The following MSANTD1 variants were observed in gnomAD, a reference collection of about 807,000 sequenced individuals.
The protein encoded by MSANTD1 is myb/SANT-like DNA-binding domain-containing protein 1.
In MSANTD1, 7 loss-of-function variants were observed where a neutral mutation model predicts 24.2. That is an observed-to-expected ratio of 0.29 (90% CI 0.16 to 0.54). The LOEUF (loss-of-function observed/expected upper bound fraction) is 0.54, where lower values mean the gene tolerates loss of function less well. Among genes scored for constraint, MSANTD1 ranks in the 20% least tolerant of loss-of-function variants. MSANTD1 has a pLI of 0.94. For synonymous variants in MSANTD1, 177 were observed against 181.1 expected, an observed-to-expected ratio of 0.98 and a Z score of 0.18; for missense variants, 384 against 408.2, an observed-to-expected ratio of 0.94 and a Z score of 0.51.
chr4:3,252,787 A>G (rs781586118), intron 1 of MSANTD1, among the ~76,000 whole-genome samples: 1 of 152,246 alleles, frequency 6.6e-6, no homozygotes, highest in Non-Finnish European at 1.5e-5. Context: ...TATTATCACT[A>G]TATTTATATA....
chr4:3,251,487 C>G (rs1441997447), intron 1 of MSANTD1, among the ~76,000 whole-genome samples: 1 of 152,092 alleles, frequency 6.6e-6, no homozygotes, highest in African/African-American at 2.4e-5. Flanking sequence ...GCTGATGAAG[C>G]ACTTCCACAC....
At position 3,255,708 on chromosome 4, in the gene MSANTD1, C is replaced by A; in HGVS notation, c.597-17C>A. On this transcript the variant is annotated splice_polypyrimidine_tract_variant and intron_variant, in intron 2 of 2. Coordinates refer to ENST00000438480, the MANE Select transcript of MSANTD1 (RefSeq NM_001042690.2). ...GCTCTGTGGCCAGCACGTCCACAGC[C>A]GGCACTGTCCTTCCAGGTCGGAGGA... The A allele has an allele frequency of 6.6e-7, 1 of 1,519,440 alleles. No individual in the cohort carries two copies. The highest frequency in any genetic ancestry group is 8.8e-7 in the Non-Finnish European group (1 of 1,131,342). The allele number at this position is 1,519,440 out of a possible 1,614,324, so 94.1% of individuals were successfully genotyped here. A position where few individuals can be genotyped will look rare whatever the true frequency, so the allele number is the denominator to read the frequency against.
chr4:3,255,698 C>T (rs1370191004), intron 2 of MSANTD1, 27 bp from the exon 3 acceptor site: 24 of 1,502,498 alleles, frequency 1.6e-5, no homozygotes, highest in East Asian at 9.9e-5. Flanking sequence ...GTGGCCAGCA[C>T]GTCCACAGCC....
At chr4:3,250,983 G>T (rs1217008975) in intron 1 of MSANTD1, among the ~76,000 whole-genome samples, 1 of 152,256 alleles carries the variant, frequency 6.6e-6, no homozygotes, top group Non-Finnish European at 1.5e-5. Flanking sequence ...CTTGAAGGAG[G>T]GGTCCGGGGC....
intron 1 of MSANTD1, among the ~76,000 whole-genome samples, chr4:3,251,684 T>A (rs1486279459): frequency 6.8e-6 from 1 of 147,936 alleles, no homozygotes. Context: ...TTCTTTTTTT[T>A]TTCTTTTTCT....
chr4:3,246,370 G>T (rs1427232283), upstream of MSANTD1, among the ~76,000 whole-genome samples: 2 of 152,202 alleles, frequency 1.3e-5, no homozygotes, highest in Non-Finnish European at 2.9e-5. Context: ...CCCCACCCTT[G>T]GTCAGTCCCC....
At chr4:3,244,504 G>A (rs911874100), upstream of MSANTD1, 5 of 152,276 alleles carry the variant, frequency 3.3e-5, no homozygotes, top group South Asian at 8.3e-4. Context: ...TGTGGCCGGG[G>A]CTGCTGTGTG....
intron 1 of MSANTD1, among the ~76,000 whole-genome samples, chr4:3,252,521 T>C (rs1722258804): frequency 6.6e-6 from 1 of 152,230 alleles, no homozygotes; most frequent in Non-Finnish European, 1.5e-5. Context: ...AAGAATGGCA[T>C]GGGAGCCCAG....
chr4:3,249,195 G>A lies in MSANTD1; in HGVS notation c.-28G>A, dbSNP rs577600035. 1.2e-4 allele frequency: 165 copies of A among 1,361,684 alleles called. No individual in the cohort carries two copies. The highest frequency in any genetic ancestry group is 1.4e-4 in the East Asian group (5 of 34,752). 84.4% of individuals were successfully genotyped at this position (1,361,684 alleles called of 1,614,324 possible). ...CCATTTTGAGCGTGGAGCTGCCTTC[G>A]AGCGAGCGTGAGCGGCGCCTCCCGC... On this transcript the variant is annotated 5_prime_UTR_variant, in exon 1 of 3. Coordinates refer to ENST00000438480, the MANE Select transcript of MSANTD1 (RefSeq NM_001042690.2).
In MSANTD1 at chr4:3,249,181, G is replaced by A. The variant is rs1578631355; in HGVS notation, c.-42G>A. 1 of 1,328,406 alleles carries A rather than the reference G, an allele frequency of 7.5e-7. No individual in the cohort carries two copies. The highest frequency in any genetic ancestry group is 9.6e-7 in the Non-Finnish European group (1 of 1,041,922). The allele number at this position is 1,328,406 out of a possible 1,614,324, so 82.3% of individuals were successfully genotyped here. ...GTCAGATGTAGGCCCCATTTTGAGC[G>A]TGGAGCTGCCTTCGAGCGAGCGTGA... On this transcript the variant is annotated 5_prime_UTR_variant, in exon 1 of 3. In the 5' UTR this introduces an upstream ATG that the reference lacks. Coordinates refer to ENST00000438480, the MANE Select transcript of MSANTD1 (RefSeq NM_001042690.2).
intron 1 of MSANTD1, 77 bp from the exon 2 acceptor site, chr4:3,253,130 C>T: frequency 7.1e-7 from 1 of 1,411,994 alleles, no homozygotes; most frequent in Non-Finnish European, 9.4e-7. Flanking sequence ...GTGGCGCGCC[C>T]CTCTGCTGAG....
intron 1 of MSANTD1, among the ~76,000 whole-genome samples, chr4:3,251,471 G>A (rs891175721): frequency 2.6e-5 from 4 of 152,082 alleles, no homozygotes; most frequent in South Asian, 2.1e-4. Context: ...TGCACTGCAC[G>A]TCATGGCTGA....
At chr4:3,251,159 T>C (rs1326430550) in intron 1 of MSANTD1, among the ~76,000 whole-genome samples, 1 of 152,190 alleles carries the variant, frequency 6.6e-6, no homozygotes, top group Non-Finnish European at 1.5e-5. Context: ...GCGGCCCCAC[T>C]GTTCCCGTGG....
chr4:3,250,992 G>T (rs1303749842), intron 1 of MSANTD1, among the ~76,000 whole-genome samples: 1 of 152,266 alleles, frequency 6.6e-6, no homozygotes, highest in Non-Finnish European at 1.5e-5. Flanking sequence ...GGGGTCCGGG[G>T]CCTGGCCCTG....
At chr4:3,245,006 C>T (rs916885624), upstream of MSANTD1, 1 of 152,304 alleles carries the variant, frequency 6.6e-6, no homozygotes, top group African/African-American at 2.4e-5. Flanking sequence ...TCATAGGTGA[C>T]ACCGCTCCAG....
chr4:3,254,225 C>T (rs1197342206), intron 2 of MSANTD1, among the ~76,000 whole-genome samples: 3 of 152,198 alleles, frequency 2.0e-5, no homozygotes, highest in Non-Finnish European at 4.4e-5. Flanking sequence ...ACAGCTTCTC[C>T]CCTGCCCTGG....
chr4:3,249,487 C>A lies in MSANTD1; in HGVS notation c.265C>A (p.Arg89Ser). 1 of 1,612,102 alleles carries A rather than the reference C, an allele frequency of 6.2e-7. No individual in the cohort carries two copies. Among genetic ancestry groups the A allele is most frequent in the Non-Finnish European group, 8.5e-7 (1 of 1,179,698 alleles). ...ASKLFEMTGE[R>S]RLGEEIKIKI... ...CAAGCTCTTCGAGATGACCGGCGAGCGCAGGCTGGGCGAGGAGATCAAGAT... is the reference window on the plus strand; with the variant it reads ...CAAGCTCTTCGAGATGACCGGCGAGAGCAGGCTGGGCGAGGAGATCAAGAT... Residue 89 changes from arginine to serine, a missense_variant, in exon 1 of 3, where the codon CGC becomes AGC. Transcript: ENST00000438480.
intron 1 of MSANTD1, among the ~76,000 whole-genome samples, chr4:3,252,046 A>G (rs1385424015): frequency 6.6e-6 from 1 of 152,226 alleles, no homozygotes; most frequent in Non-Finnish European, 1.5e-5. Context: ...TCCAACGGCC[A>G]ATGGCCACAC....
chr4:3,251,377 C>T (rs546905729), intron 1 of MSANTD1, among the ~76,000 whole-genome samples: 3 of 152,318 alleles, frequency 2.0e-5, no homozygotes, highest in East Asian at 3.9e-4. Context: ...GTCTCCATTC[C>T]TGGAGGCTGA....
Sources: allele counts gnomAD v4.1 joint callset (sites outside exome capture counted in the v4.1 genomes callset), GRCh38; gene constraint gnomAD v4.1.1; transcripts MANE v1.5; gene names NCBI Gene and HGNC (gene_info 2026-07-23, HGNC 2026-07-21).